Variants in PARD3 observed in about 807,000 individuals in gnomAD.
PARD3 encodes par-3 family cell polarity regulator, also known as partitioning defective 3 homolog.
A neutral mutation model predicts 155.4 loss-of-function variants in PARD3; 75 were observed. The observed-to-expected ratio is 0.48, with a 90% confidence interval of 0.40 to 0.58. PARD3 has a LOEUF of 0.58. PARD3 is among the 20% of genes least tolerant of loss of function. PARD3 has a pLI of 0.00. For synonymous variants in PARD3, 576 were observed against 610.5 expected (o/e 0.94, Z 0.83); for missense variants, 1,642 against 1,721.7 (o/e 0.95, Z 0.82).
At chr10:34,398,240 CT>C (rs544158493) in intron 7 of PARD3, among the ~76,000 whole-genome samples, 2 of 152,086 alleles carry the variant, frequency 1.3e-5, no homozygotes, top group South Asian at 4.1e-4. Flanking sequence ...ACCACAGTTA[CT>C]TACAAGTAAC....
intron 1 of PARD3, among the ~76,000 whole-genome samples, chr10:34,743,662 T>C (rs532601256): frequency 2.0e-4 from 31 of 152,342 alleles, no homozygotes. Context: ...CTAGCCTTGA[T>C]AGATTGTACA....
chr10:34,555,676 A>C (rs1054717155), intron 2 of PARD3, among the ~76,000 whole-genome samples: 1 of 152,048 alleles, frequency 6.6e-6, no homozygotes, highest in Non-Finnish European at 1.5e-5. Flanking sequence ...GTCTTTTTTA[A>C]TCCTATGTAT....
chr10:34,672,443 T>C (rs2093626194), intron 2 of PARD3, among the ~76,000 whole-genome samples: 1 of 152,230 alleles, frequency 6.6e-6, no homozygotes, highest in African/African-American at 2.4e-5. Flanking sequence ...CTCGCTGTGA[T>C]CATGTAATCA....
intron 20 of PARD3, among the ~76,000 whole-genome samples, chr10:34,285,594 AAGAAAC>A (rs1956347905): frequency 6.6e-6 from 1 of 152,074 alleles, no homozygotes; most frequent in African/African-American, 2.4e-5. Context: ...AAAAGAAAGA[AAGAAAC>A]AGAGAGGAGA....
intron 1 of PARD3, among the ~76,000 whole-genome samples, chr10:34,711,306 G>A (rs2094446047): frequency 6.6e-6 from 1 of 152,156 alleles, no homozygotes; most frequent in Non-Finnish European, 1.5e-5. Flanking sequence ...GATCACTTGA[G>A]GTCAGGAGTT....
At position 34,196,666 on chromosome 10, in the gene PARD3, T is replaced by C. The variant is rs1428644473; in HGVS notation, c.3420-65083A>G. On this transcript the variant is annotated intron_variant, in intron 22 of 24. Transcript: ENST00000374788. ...TTGGCTCACTGCAAGCTCTGCCTCCTGGGTTCATGCCATTCTCCTGCCTCA... is the reference window on the plus strand; with the variant it reads ...TTGGCTCACTGCAAGCTCTGCCTCCCGGGTTCATGCCATTCTCCTGCCTCA... Among the ~76,000 whole-genome samples the C allele has an allele frequency of 4.7e-5, 7 of 148,064 alleles. No homozygotes were observed. The East Asian group carries it at 8.5e-4, about 18-fold the overall frequency.
intron 2 of PARD3, among the ~76,000 whole-genome samples, chr10:34,642,128 T>C (rs2132953948): frequency 6.6e-6 from 1 of 151,836 alleles, no homozygotes; most frequent in South Asian, 2.1e-4. Context: ...GGCCCATACC[T>C]GGGTACATGG....
At chr10:34,625,592 A>G (rs1202554750) in intron 2 of PARD3, among the ~76,000 whole-genome samples, 1 of 152,234 alleles carries the variant, frequency 6.6e-6, no homozygotes. Context: ...AAACAAAGGA[A>G]TTGAAGGGAT....
At chr10:34,519,673 G>A (rs1376284948) in intron 2 of PARD3, among the ~76,000 whole-genome samples, 1 of 151,960 alleles carries the variant, frequency 6.6e-6, no homozygotes, top group Admixed American at 6.6e-5. Context: ...AATTAGCCAG[G>A]TGTGGTGGCA....
At chr10:34,286,714 A>G (rs188448867) in intron 20 of PARD3, among the ~76,000 whole-genome samples, 7 of 152,338 alleles carry the variant, frequency 4.6e-5, no homozygotes, top group Admixed American at 4.6e-4. Context: ...TACTGAGATG[A>G]CATGAAAAGC....
chr10:34,582,252 T>C (rs1008583799), intron 2 of PARD3, among the ~76,000 whole-genome samples: 2 of 152,192 alleles, frequency 1.3e-5, no homozygotes, highest in Non-Finnish European at 2.9e-5. Flanking sequence ...CTTAAAGAAA[T>C]GATGAGCTGG....
chr10:34,725,844 C>G (rs901691105), intron 1 of PARD3, among the ~76,000 whole-genome samples: 1 of 152,220 alleles, frequency 6.6e-6, no homozygotes, highest in African/African-American at 2.4e-5. Context: ...AGATACTTTA[C>G]TACACCTAAA....
chr10:34,369,107 T>C (rs1473779450), intron 12 of PARD3, among the ~76,000 whole-genome samples: 17 of 151,998 alleles, frequency 1.1e-4, no homozygotes, highest in Non-Finnish European at 2.5e-4. Flanking sequence ...CCTGAGTTTA[T>C]GGCTGGCTCC....
rs182861839 is a variant in PARD3, at chr10:34,167,977, G to A, written c.3420-36394C>T. 2.7e-4 allele frequency among the ~76,000 whole-genome samples: 41 copies of A among 152,246 alleles called. 1 individual carries two copies. Among genetic ancestry groups the A allele is most frequent in the Admixed American group, 2.2e-3 (34 of 15,298 alleles). ...TGACCTCTGGCCTTCATGTTCCCAG[G>A]GGTGCAAGAGGGTTATGTTGAAACA... On this transcript the variant is annotated intron_variant, in intron 22 of 24. Transcript: ENST00000374788.
intron 5 of PARD3, among the ~76,000 whole-genome samples, chr10:34,441,127 G>C (rs2076440597): frequency 6.6e-6 from 1 of 152,074 alleles, no homozygotes; most frequent in Admixed American, 6.6e-5. Flanking sequence ...AAATACACCA[G>C]GGATGAAAAT....
intron 24 of PARD3, among the ~76,000 whole-genome samples, chr10:34,118,890 A>C (rs1176701197): frequency 6.6e-6 from 1 of 152,208 alleles, no homozygotes; most frequent in Non-Finnish European, 1.5e-5. Flanking sequence ...TAAAAAGCTG[A>C]ATGTTTTTCA....
At chr10:34,416,139 T>C (rs950199357) in intron 5 of PARD3, among the ~76,000 whole-genome samples, 3 of 152,144 alleles carry the variant, frequency 2.0e-5, no homozygotes, top group Non-Finnish European at 2.9e-5. Context: ...TACTTAATAA[T>C]AGGACACACC....
chr10:34,592,178 C>T (rs1253132301), intron 2 of PARD3, among the ~76,000 whole-genome samples: 3 of 152,196 alleles, frequency 2.0e-5, no homozygotes, highest in Admixed American at 2.0e-4. Context: ...CTTTTCTGGA[C>T]TCATGATACA....
At chr10:34,361,092 A>G (rs1180422797) in intron 12 of PARD3, among the ~76,000 whole-genome samples, 1 of 152,258 alleles carries the variant, frequency 6.6e-6, no homozygotes, top group Non-Finnish European at 1.5e-5. Context: ...CAGAAGAGGA[A>G]GCACTCAGCC....
Sources: allele counts gnomAD v4.1 joint callset (sites outside exome capture counted in the v4.1 genomes callset), GRCh38; gene constraint gnomAD v4.1.1; transcripts MANE v1.5; gene names NCBI Gene and HGNC (gene_info 2026-07-23, HGNC 2026-07-21).